MAMDC2: variants seen among roughly 807,000 people sequenced by gnomAD.
MAMDC2 encodes the protein MAM domain containing 2, also known as MAM domain-containing protein 2.
A neutral mutation model predicts 89.8 loss-of-function variants in MAMDC2; 57 were observed. The observed-to-expected ratio is 0.63, with a 90% CI of 0.51 to 0.79. The LOEUF is 0.79. MAMDC2 is among the 30% of genes least tolerant of loss of function. The pLI, the probability that MAMDC2 is intolerant of heterozygous loss-of-function variation, is 0.00. For synonymous variants in MAMDC2, 313 were observed against 293.4 expected, an observed-to-expected ratio of 1.07 and a Z score of -0.68; for missense variants, 800 against 820.6, an observed-to-expected ratio of 0.97 and a Z score of 0.31.
chr9:70,076,068 C>T (rs1827524337), intron 2 of MAMDC2, among the ~76,000 whole-genome samples: 1 of 152,224 alleles, frequency 6.6e-6, no homozygotes, highest in Non-Finnish European at 1.5e-5. Context: ...GCAGTTGAGT[C>T]AGCTCTGGCC....
chr9:70,098,599 A>G (rs1470677152), intron 2 of MAMDC2, among the ~76,000 whole-genome samples: 2 of 152,242 alleles, frequency 1.3e-5, no homozygotes, highest in African/African-American at 4.8e-5. Flanking sequence ...ATGAAAGTCC[A>G]TATAGATTTA....
intron 9 of MAMDC2, among the ~76,000 whole-genome samples, chr9:70,158,717 A>G (rs961049001): frequency 6.6e-6 from 1 of 152,026 alleles, no homozygotes; most frequent in Non-Finnish European, 1.5e-5. Flanking sequence ...TTTGTTAGGC[A>G]ATTTTGTCCT....
At chr9:70,089,073 T>C (rs1827832971) in intron 2 of MAMDC2, 1 of 152,172 alleles carries the variant, frequency 6.6e-6, no homozygotes, top group Non-Finnish European at 1.5e-5. Context: ...GGAGGTTGAT[T>C]ACATTTCCTG....
intron 2 of MAMDC2, among the ~76,000 whole-genome samples, chr9:70,097,302 A>G (rs1024099510): frequency 1.9e-4 from 29 of 152,204 alleles, no homozygotes; most frequent in African/African-American, 7.0e-4. Flanking sequence ...TTTCTTATAA[A>G]TGAATTTGAA....
Position 70,148,804 on chromosome 9 carries a change from C to T in MAMDC2, c.1404+4985C>T, listed in dbSNP as rs932831503. ...CAGCACTTTGGGAGGCCGAGGCGGGCGGATCATGAGGTCAGGAGATCGAGA... is the reference window on the plus strand; with the variant it reads ...CAGCACTTTGGGAGGCCGAGGCGGGTGGATCATGAGGTCAGGAGATCGAGA... On this transcript the variant is annotated intron_variant, in intron 9 of 13. Coordinates refer to ENST00000377182, the MANE Select transcript of MAMDC2 (RefSeq NM_153267.5). 4.0e-4 allele frequency among the ~76,000 whole-genome samples: 60 copies of T among 149,730 alleles called. 3 individuals are homozygous for T. The South Asian group carries it at 4.1e-3, about 10-fold the overall frequency.
At chr9:70,221,399 A>AGAGAGAGAGAGAGAGAGAGAGAGG (rs2033560790) in intron 12 of MAMDC2, among the ~76,000 whole-genome samples, 1 of 120,574 alleles carries the variant, frequency 8.3e-6, no homozygotes, top group African/African-American at 3.1e-5. Flanking sequence ...AGAGAGAGAG[A>AGAGAGAGAGAGAGAGAGAGAGAGG]GAGAGAGAGT....
chr9:70,090,123 T>TCACACA (rs56982239), intron 2 of MAMDC2, among the ~76,000 whole-genome samples: 2 of 148,002 alleles, frequency 1.4e-5, no homozygotes, highest in Non-Finnish European at 3.0e-5. Flanking sequence ...GCCAAGGATG[T>TCACACA]CACACACACA....
intron 12 of MAMDC2, among the ~76,000 whole-genome samples, chr9:70,225,138 C>G (rs2033622804): frequency 6.6e-6 from 1 of 152,106 alleles, no homozygotes; most frequent in African/African-American, 2.4e-5. Flanking sequence ...TTCCTACAAC[C>G]ACAATATCTG....
intron 11 of MAMDC2, among the ~76,000 whole-genome samples, chr9:70,195,302 G>A (rs747755824): frequency 6.6e-6 from 1 of 151,984 alleles, no homozygotes; most frequent in Non-Finnish European, 1.5e-5. Context: ...ACATAATAAA[G>A]GTACGTGTAA....
chr9:70,141,511 G>T (rs2031221926), intron 8 of MAMDC2, among the ~76,000 whole-genome samples: 1 of 152,196 alleles, frequency 6.6e-6, no homozygotes, highest in Admixed American at 6.5e-5. Flanking sequence ...ACAGGTTGTG[G>T]TAAGTGCTGT....
intron 2 of MAMDC2, chr9:70,083,543 A>C (rs1827701372): frequency 6.6e-6 from 1 of 152,126 alleles, no homozygotes; most frequent in Admixed American, 6.6e-5. Flanking sequence ...GTATAAAAGC[A>C]ATAAGTCACA....
At chr9:70,140,548 A>G (rs892472294) in intron 8 of MAMDC2, among the ~76,000 whole-genome samples, 51 of 152,310 alleles carry the variant, frequency 3.3e-4, no homozygotes, top group African/African-American at 1.2e-3. Context: ...CAATACCTTT[A>G]AGGAAAAAAA....
intron 11 of MAMDC2, among the ~76,000 whole-genome samples, chr9:70,184,470 G>C (rs568273434): frequency 5.9e-5 from 9 of 152,132 alleles, no homozygotes; most frequent in Non-Finnish European, 1.3e-4. Flanking sequence ...ATACCATGAA[G>C]TATGTTTTCC....
chr9:70,217,728 G>A (rs2033476636), intron 11 of MAMDC2: 11 of 1,229,570 alleles, frequency 8.9e-6, no homozygotes, highest in Non-Finnish European at 1.3e-5. Flanking sequence ...TACAGAGTAT[G>A]TTTTCAAAAC....
At chr9:70,222,159 A>G (rs1372163236) in intron 12 of MAMDC2, among the ~76,000 whole-genome samples, 4 of 152,186 alleles carry the variant, frequency 2.6e-5, no homozygotes, top group African/African-American at 7.2e-5. Context: ...GGAGACACCA[A>G]GATGACTCCA....
At chr9:70,098,501 A>G (rs1186432740) in intron 2 of MAMDC2, among the ~76,000 whole-genome samples, 2 of 152,206 alleles carry the variant, frequency 1.3e-5, no homozygotes, top group African/African-American at 4.8e-5. Context: ...GACATGTTTA[A>G]AAGTCTTTTA....
intron 2 of MAMDC2, among the ~76,000 whole-genome samples, chr9:70,074,160 T>C (rs1198382906): frequency 6.6e-6 from 1 of 152,246 alleles, no homozygotes; most frequent in Non-Finnish European, 1.5e-5. Flanking sequence ...TAGCCATTCC[T>C]AAGTGTGGCC....
At chr9:70,154,690 T>G (rs1349934297) in intron 9 of MAMDC2, among the ~76,000 whole-genome samples, 3 of 151,850 alleles carry the variant, frequency 2.0e-5, no homozygotes, top group African/African-American at 4.8e-5. Flanking sequence ...ATTTTTCATT[T>G]TTTGCAGAGA....
intron 6 of MAMDC2, among the ~76,000 whole-genome samples, chr9:70,130,321 G>T (rs760273236): frequency 5.3e-5 from 8 of 152,048 alleles, no homozygotes; most frequent in Non-Finnish European, 1.0e-4. Flanking sequence ...TTTAGACAGG[G>T]TTTCTGTCTC....
Sources: allele counts gnomAD v4.1 joint callset (sites outside exome capture counted in the v4.1 genomes callset), GRCh38; gene constraint gnomAD v4.1.1; transcripts MANE v1.5; gene names NCBI Gene and HGNC (gene_info 2026-07-23, HGNC 2026-07-21).